PDSS2: variants seen among roughly 807,000 people sequenced by gnomAD.
The protein encoded by PDSS2 is all trans-polyprenyl-diphosphate synthase PDSS2.
In PDSS2, 31 loss-of-function variants were observed where a neutral mutation model predicts 44.5. The ratio of observed to expected loss-of-function variants is 0.70; its 90% CI spans 0.52 to 0.94. PDSS2 has a LOEUF of 0.94. Ranked by LOEUF, PDSS2 falls within the 40% of genes least tolerant of loss-of-function variation. The pLI is 0.00. For missense variants in PDSS2, 452 were observed against 482.2 expected, an observed-to-expected ratio of 0.94 and a Z score of 0.59; for synonymous variants, 157 against 180.3, an observed-to-expected ratio of 0.87 and a Z score of 1.03.
At chr6:107,358,557 G>T (rs1778660780) in intron 1 of PDSS2, among the ~76,000 whole-genome samples, 1 of 152,148 alleles carries the variant, frequency 6.6e-6, no homozygotes, top group South Asian at 2.1e-4. Context: ...GGAGAATAAA[G>T]ATGGTACAAC....
intron 2 of PDSS2, among the ~76,000 whole-genome samples, chr6:107,276,301 A>T (rs1313490026): frequency 1.3e-5 from 2 of 152,118 alleles, no homozygotes; most frequent in Admixed American, 6.6e-5. Context: ...CAGAATTGCT[A>T]CAGACTAGTG....
At chr6:107,426,387 T>C (rs972989399) in intron 1 of PDSS2, among the ~76,000 whole-genome samples, 3 of 152,358 alleles carry the variant, frequency 2.0e-5, no homozygotes, top group Admixed American at 6.5e-5. Flanking sequence ...AATGCCTGGA[T>C]GCCTAGGCAG....
chr6:107,351,279 G>C (rs956911075), intron 1 of PDSS2, among the ~76,000 whole-genome samples: 10 of 152,148 alleles, frequency 6.6e-5, no homozygotes, highest in African/African-American at 2.4e-4. Flanking sequence ...TTGGTATAAA[G>C]TTCTAAGATG....
chr6:107,349,783 C>T (rs1778377217), intron 1 of PDSS2, among the ~76,000 whole-genome samples: 2 of 147,152 alleles, frequency 1.4e-5, no homozygotes, highest in African/African-American at 2.5e-5. Context: ...AACAAAAGAA[C>T]ATTCCCCTAA....
chr6:107,283,636 C>T lies in PDSS2; in HGVS notation c.432-9409G>A, dbSNP rs188089095. Among the ~76,000 whole-genome samples the T allele has an allele frequency of 3.3e-5, 5 of 152,232 alleles. No homozygotes were observed. In the East Asian group the frequency reaches 9.7e-4, roughly 29 times the overall value. The stretch of plus-strand genomic sequence containing the variant: ...TTGGGAGGCTGAGGCAGAAGAATCA[C>T]TTGAACCCAGGAGGCAGAGGTTGTG... On this transcript the variant is annotated intron_variant, in intron 2 of 7. Coordinates refer to ENST00000369037, the MANE Select transcript of PDSS2 (RefSeq NM_020381.4).
At chr6:107,207,989 T>G (rs201495080) in intron 6 of PDSS2, among the ~76,000 whole-genome samples, 3 of 94,044 alleles carry the variant, frequency 3.2e-5, no homozygotes, top group East Asian at 9.6e-4. Context: ...TTTTTTTTTT[T>G]TTTTTTTTTT....
chr6:107,161,794 T>C (rs1771143941), intron 7 of PDSS2, among the ~76,000 whole-genome samples: 1 of 152,232 alleles, frequency 6.6e-6, no homozygotes, highest in African/African-American at 2.4e-5. Flanking sequence ...GTGCTATGAA[T>C]GACCATAGAT....
chr6:107,353,275 G>A (rs893539748), intron 1 of PDSS2, among the ~76,000 whole-genome samples: 1 of 152,068 alleles, frequency 6.6e-6, no homozygotes, highest in Admixed American at 6.5e-5. Flanking sequence ...TTTTAGATTA[G>A]GAAAAATTTA....
intron 1 of PDSS2, among the ~76,000 whole-genome samples, chr6:107,420,825 G>GA (rs112230353): frequency 0.074 from 9,299 of 125,960 alleles, 400 homozygotes; most frequent in South Asian, 0.21. Flanking sequence ...ATCTATAAAA[G>GA]AAAAAAAAAA....
At chr6:107,416,427 T>C (rs1780662255) in intron 1 of PDSS2, among the ~76,000 whole-genome samples, 1 of 152,220 alleles carries the variant, frequency 6.6e-6, no homozygotes, top group African/African-American at 2.4e-5. Flanking sequence ...CAATAAGTCA[T>C]ATCCGGGTTG....
intron 1 of PDSS2, among the ~76,000 whole-genome samples, chr6:107,453,452 G>C (rs1175395085): frequency 6.7e-6 from 1 of 150,216 alleles, no homozygotes; most frequent in African/African-American, 2.4e-5. Flanking sequence ...CCTATTTTTA[G>C]AGAAAGAAAA....
At chr6:107,411,807 G>C (rs913442404) in intron 1 of PDSS2, among the ~76,000 whole-genome samples, 3 of 151,106 alleles carry the variant, frequency 2.0e-5, no homozygotes, top group Non-Finnish European at 4.4e-5. Context: ...ATGGATGTTA[G>C]TATTGGGGGG....
intron 7 of PDSS2, among the ~76,000 whole-genome samples, chr6:107,171,467 C>A (rs984456694): frequency 6.6e-6 from 1 of 152,044 alleles, no homozygotes; most frequent in African/African-American, 2.4e-5. Flanking sequence ...CGTCCATGAT[C>A]TTGGTTCTAA....
At chr6:107,437,524 CCAA>C (rs1361730239) in intron 1 of PDSS2, among the ~76,000 whole-genome samples, 1 of 30,854 alleles carries the variant, frequency 3.2e-5, no homozygotes, top group East Asian at 5.3e-4. Flanking sequence ...GACCCTGTCT[CCAA>C]AAAAAAAAAA....
At chr6:107,270,149 C>T (rs548373994) in intron 3 of PDSS2, among the ~76,000 whole-genome samples, 3 of 152,118 alleles carry the variant, frequency 2.0e-5, no homozygotes, top group Admixed American at 6.6e-5. Context: ...GCTCTTGTTG[C>T]CCAGGCCGGA....
At chr6:107,205,525 C>T (rs968642845) in intron 6 of PDSS2, among the ~76,000 whole-genome samples, 1 of 152,152 alleles carries the variant, frequency 6.6e-6, no homozygotes, top group African/African-American at 2.4e-5. Context: ...GGGTGAATAA[C>T]CCATTCACTA....
intron 1 of PDSS2, among the ~76,000 whole-genome samples, chr6:107,383,060 G>C (rs1779500852): frequency 6.6e-6 from 1 of 151,772 alleles, no homozygotes; most frequent in South Asian, 2.1e-4. Context: ...CCAACACTTT[G>C]GGAGGCCGAG....
At chr6:107,227,494 G>T (rs1439530852) in intron 4 of PDSS2, among the ~76,000 whole-genome samples, 2 of 151,626 alleles carry the variant, frequency 1.3e-5, no homozygotes, top group Admixed American at 6.6e-5. Flanking sequence ...CACCATGTTG[G>T]CCAGGCTGGT....
intron 4 of PDSS2, among the ~76,000 whole-genome samples, chr6:107,229,331 C>T (rs140297441): frequency 2.6e-5 from 4 of 152,022 alleles, no homozygotes; most frequent in South Asian, 2.1e-4. Flanking sequence ...GGGTTACAGG[C>T]GTGCACCACC....
Sources: gnomAD v4.1 joint callset for allele counts (sites outside exome capture counted in the v4.1 genomes callset) on GRCh38, gnomAD v4.1.1 for gene constraint, MANE v1.5 for transcripts, NCBI Gene and HGNC (gene_info 2026-07-23, HGNC 2026-07-21) for gene names.